The following FOXO3 variants were observed in gnomAD, a reference collection of about 807,000 sequenced individuals.
The protein encoded by FOXO3 is forkhead box O3.
In FOXO3, 4 loss-of-function variants were observed where a neutral mutation model predicts 41.9. The observed-to-expected ratio is 0.10, with a 90% CI of 0.05 to 0.22. The LOEUF (loss-of-function observed/expected upper bound fraction) is 0.22. Ranked by LOEUF, FOXO3 falls within the 10% of genes least tolerant of loss-of-function variation. The pLI is 1.00. For synonymous variants in FOXO3, 318 were observed against 389.3 expected (o/e 0.82, Z 2.16); for missense variants, 534 against 906.8 (o/e 0.59, Z 5.28).
chr6:108,562,706 C>G (rs1775844794), intron 1 of FOXO3, among the ~76,000 whole-genome samples: 1 of 152,106 alleles, frequency 6.6e-6, no homozygotes, highest in African/African-American at 2.4e-5. Context: ...TAAATGAACC[C>G]GAAGAGAGAC....
At chr6:108,600,546 C>CAAAA (rs56888212) in intron 1 of FOXO3, among the ~76,000 whole-genome samples, 2 of 47,744 alleles carry the variant, frequency 4.2e-5, no homozygotes, top group African/African-American at 1.1e-4. Context: ...GTCTCCATCT[C>CAAAA]AAAAAAAAAA....
At position 108,664,183 on chromosome 6, in the gene FOXO3, C is replaced by T. The variant is rs1403101325; in HGVS notation, c.1350C>T (p.Thr450=). 6.2e-7 allele frequency: 1 copy of T among 1,613,658 alleles called. No individual in the cohort carries two copies. Among genetic ancestry groups the T allele is most frequent in the Admixed American group, 1.7e-5 (1 of 60,002 alleles). ...CCCTACGCCAGTCTCCCATGCAGAC[C>T]ATCCAAGAGAACAAGCCAGCTACCT... ...LNSLRQSPMQ[T]IQENKPATFS... is the part of the protein sequence containing the mutation. The change falls in exon 2 of 3, where the codon ACC becomes ACT. Residue 450 remains threonine, a synonymous_variant. Coordinates refer to ENST00000406360, the MANE Select transcript of FOXO3 (RefSeq NM_001455.4).
intron 1 of FOXO3, among the ~76,000 whole-genome samples, chr6:108,655,067 A>G (rs1778648267): frequency 6.6e-6 from 1 of 152,166 alleles, no homozygotes; most frequent in Non-Finnish European, 1.5e-5. Flanking sequence ...AATTACAAGG[A>G]TCAGTTAGTG....
chr6:108,562,562 C>T (rs574483461), intron 1 of FOXO3, among the ~76,000 whole-genome samples: 8 of 152,220 alleles, frequency 5.3e-5, no homozygotes, highest in Admixed American at 3.9e-4. Context: ...ACCCGCTGCT[C>T]CCGCCGAGGC....
At chr6:108,623,080 T>G (rs1374711639) in intron 1 of FOXO3, among the ~76,000 whole-genome samples, 1 of 152,126 alleles carries the variant, frequency 6.6e-6, no homozygotes, top group Non-Finnish European at 1.5e-5. Context: ...CCATCTCATC[T>G]TGGACATATC....
Position 108,681,005 on chromosome 6 carries a change from G to A in FOXO3, c.*1213G>A, listed in dbSNP as rs1374436662. ...GATTTTTTAAATATAAGCTTAGGTTGTAATTGTACAAGTGACTCAATGGAA... is the reference window on the plus strand; with the variant it reads ...GATTTTTTAAATATAAGCTTAGGTTATAATTGTACAAGTGACTCAATGGAA... On this transcript the variant is annotated 3_prime_UTR_variant, in exon 3 of 3. Transcript: ENST00000406360. The A allele has an allele frequency of 1.3e-5, 2 of 152,632 alleles. No individual in the cohort carries two copies. Among genetic ancestry groups the A allele is most frequent in the African/African-American group, 4.8e-5 (2 of 41,452 alleles). The allele number at this position is 152,632 out of a possible 1,614,324, so 9.5% of individuals were successfully genotyped here.
intron 1 of FOXO3, among the ~76,000 whole-genome samples, chr6:108,584,798 A>G (rs2128361072): frequency 6.6e-6 from 1 of 152,276 alleles, no homozygotes; most frequent in South Asian, 2.1e-4. Flanking sequence ...GTAGACTAAT[A>G]GAATAACAAT....
At chr6:108,590,584 A>T (rs1391800048) in intron 1 of FOXO3, among the ~76,000 whole-genome samples, 1 of 152,226 alleles carries the variant, frequency 6.6e-6, no homozygotes, top group Non-Finnish European at 1.5e-5. Flanking sequence ...TGTATATGCA[A>T]ATATTCCAAA....
At chr6:108,644,825 T>C (rs1483076883) in intron 1 of FOXO3, among the ~76,000 whole-genome samples, 1 of 152,210 alleles carries the variant, frequency 6.6e-6, no homozygotes. Flanking sequence ...TCTCTTATGG[T>C]ATCCTGTTGT....
At chr6:108,634,772 A>G (rs972966950) in intron 1 of FOXO3, among the ~76,000 whole-genome samples, 3 of 152,158 alleles carry the variant, frequency 2.0e-5, no homozygotes, top group East Asian at 1.9e-4. Context: ...TTATTATAAC[A>G]GTCTTTCTAC....
chr6:108,654,097 G>C (rs1296030892), intron 1 of FOXO3, among the ~76,000 whole-genome samples: 2 of 152,118 alleles, frequency 1.3e-5, no homozygotes, highest in African/African-American at 4.8e-5. Context: ...CAGTCTATGG[G>C]GAGAGGGACC....
At chr6:108,630,777 T>C (rs1160733595) in intron 1 of FOXO3, among the ~76,000 whole-genome samples, 1 of 152,144 alleles carries the variant, frequency 6.6e-6, no homozygotes, top group Non-Finnish European at 1.5e-5. Flanking sequence ...AAAAAAAGCT[T>C]TTTAAGGGAA....
chr6:108,583,115 T>C (rs554447550), intron 1 of FOXO3, among the ~76,000 whole-genome samples: 2 of 152,300 alleles, frequency 1.3e-5, no homozygotes, highest in East Asian at 3.9e-4. Context: ...GACTCCGTGG[T>C]CACCACCATT....
intron 1 of FOXO3, among the ~76,000 whole-genome samples, chr6:108,569,328 CTT>C (rs1420616810): frequency 6.6e-6 from 1 of 152,240 alleles, no homozygotes; most frequent in Non-Finnish European, 1.5e-5. Context: ...GACCCAGTAT[CTT>C]TCACCATTTT....
chr6:108,583,164 G>A (rs1741856317), intron 1 of FOXO3, among the ~76,000 whole-genome samples: 1 of 152,166 alleles, frequency 6.6e-6, no homozygotes, highest in South Asian at 2.1e-4. Context: ...ATGAACATAT[G>A]TAATGTGCCT....
intron 1 of FOXO3, among the ~76,000 whole-genome samples, chr6:108,623,794 C>T (rs1462728745): frequency 6.6e-6 from 1 of 152,098 alleles, no homozygotes; most frequent in East Asian, 1.9e-4. Flanking sequence ...GAGCCTTCCT[C>T]CTCTTATAAT....
intron 1 of FOXO3, among the ~76,000 whole-genome samples, chr6:108,625,769 T>A (rs1777798285): frequency 6.6e-6 from 1 of 152,160 alleles, no homozygotes; most frequent in South Asian, 2.1e-4. Flanking sequence ...CCAACAACTT[T>A]GCCAGGAGTC....
intron 1 of FOXO3, among the ~76,000 whole-genome samples, chr6:108,621,410 G>T (rs1199915065): frequency 6.6e-6 from 1 of 152,178 alleles, no homozygotes; most frequent in Non-Finnish European, 1.5e-5. Flanking sequence ...TAAGGCCATG[G>T]CAGGAGCACA....
chr6:108,620,061 C>T (rs773640892), intron 1 of FOXO3, among the ~76,000 whole-genome samples: 6 of 152,192 alleles, frequency 3.9e-5, no homozygotes, highest in Non-Finnish European at 8.8e-5. Context: ...ATTCTTAGTG[C>T]AGAAGAGTTA....
Sources: gnomAD v4.1 joint callset for allele counts (sites outside exome capture counted in the v4.1 genomes callset) on GRCh38, gnomAD v4.1.1 for gene constraint, MANE v1.5 for transcripts, NCBI Gene and HGNC (gene_info 2026-07-23, HGNC 2026-07-21) for gene names.